The following TRIM9 variants were observed in gnomAD, a reference collection of about 807,000 sequenced individuals.
TRIM9 encodes E3 ubiquitin-protein ligase TRIM9.
In TRIM9, 26 loss-of-function variants were observed where a neutral mutation model predicts 78.3. That is an observed-to-expected ratio of 0.33 (90% CI 0.24 to 0.46). TRIM9 has a LOEUF of 0.46. Among genes scored for constraint, TRIM9 ranks in the 20% least tolerant of loss-of-function variants. The pLI is 1.00. For missense variants in TRIM9, 787 were observed against 1,036.4 expected, an observed-to-expected ratio of 0.76 and a Z score of 3.30; for synonymous variants, 398 against 416.5, an observed-to-expected ratio of 0.96 and a Z score of 0.54.
intron 1 of TRIM9, among the ~76,000 whole-genome samples, chr14:51,061,783 T>G (rs2061372789): frequency 6.6e-6 from 1 of 152,248 alleles, no homozygotes; most frequent in South Asian, 2.1e-4. Flanking sequence ...GCAGCATTTA[T>G]CCTACTCAGG....
chr14:51,050,311 T>C (rs759892513), intron 1 of TRIM9, among the ~76,000 whole-genome samples: 12 of 152,148 alleles, frequency 7.9e-5, no homozygotes, highest in African/African-American at 1.9e-4. Context: ...GTTTTCCCCA[T>C]ACTGTTCTCG....
intron 12 of TRIM9, chr14:50,978,960 G>T (rs901678668): frequency 1.8e-4 from 198 of 1,100,568 alleles, no homozygotes; most frequent in Non-Finnish European, 2.2e-4. Flanking sequence ...CAAGAGTGCA[G>T]AGAAGATGCT....
At chr14:50,979,204 T>C in intron 12 of TRIM9, 183 bp downstream of exon 12, 1 of 1,456,094 alleles carries the variant, frequency 6.9e-7, no homozygotes, top group South Asian at 1.5e-5. Flanking sequence ...AGAAGGTGCT[T>C]ATGCTTGGCG....
chr14:51,048,066 A>T (rs2060092782), intron 1 of TRIM9, among the ~76,000 whole-genome samples: 1 of 152,204 alleles, frequency 6.6e-6, no homozygotes, highest in African/African-American at 2.4e-5. Flanking sequence ...GCTTGCTCCA[A>T]GGTGCCATTT....
At chr14:50,995,892 AAAAC>A (rs1315053474) in intron 7 of TRIM9, among the ~76,000 whole-genome samples, 1 of 152,176 alleles carries the variant, frequency 6.6e-6, no homozygotes, top group Non-Finnish European at 1.5e-5. Flanking sequence ...TGATTTCTAA[AAAAC>A]AAACAAAAAA....
chr14:51,016,300 A>G (rs1446614357), intron 3 of TRIM9, among the ~76,000 whole-genome samples: 1 of 152,106 alleles, frequency 6.6e-6, no homozygotes, highest in African/African-American at 2.4e-5. Flanking sequence ...GCAGGAGGTG[A>G]GCGGCGGCCA....
intron 7 of TRIM9, among the ~76,000 whole-genome samples, chr14:50,994,037 A>G (rs1476968675): frequency 6.6e-6 from 1 of 152,216 alleles, no homozygotes; most frequent in African/African-American, 2.4e-5. Flanking sequence ...AGAGGTGATT[A>G]CATTAAGGAT....
At chr14:51,019,506 T>C (rs1213509883) in intron 3 of TRIM9, among the ~76,000 whole-genome samples, 1 of 152,198 alleles carries the variant, frequency 6.6e-6, no homozygotes, top group Admixed American at 6.5e-5. Context: ...TTTTATACAA[T>C]GATCAATTAT....
intron 1 of TRIM9, among the ~76,000 whole-genome samples, chr14:51,081,191 T>G (rs140881734): frequency 1.7e-3 from 259 of 152,330 alleles, no homozygotes; most frequent in African/African-American, 6.1e-3. Context: ...AGCAAAGACT[T>G]TAAATAGACA....
At position 50,976,641 on chromosome 14, in the gene TRIM9, T is replaced by G. The variant is rs2051110384; in HGVS notation, c.*650A>C. 6.6e-6 allele frequency: 1 copy of G among 152,648 alleles called. No individual in the cohort carries two copies. Among genetic ancestry groups the G allele is most frequent in the Non-Finnish European group, 1.5e-5 (1 of 68,038 alleles). The allele number at this position is 152,648 out of a possible 1,614,324, so 9.5% of individuals were successfully genotyped here. A position where few individuals can be genotyped will look rare whatever the true frequency, so the allele number is the denominator to read the frequency against. On this transcript the variant is annotated 3_prime_UTR_variant, in exon 13 of 13. Transcript: ENST00000684578. ...TTATACAGTGGCCAGGGTTCTGGCCTATCCTAATTATAGAGCCATCCTAAC... is the reference window on the plus strand; with the variant it reads ...TTATACAGTGGCCAGGGTTCTGGCCGATCCTAATTATAGAGCCATCCTAAC...
chr14:51,084,258 G>T (rs892150757), intron 1 of TRIM9, among the ~76,000 whole-genome samples: 2 of 152,012 alleles, frequency 1.3e-5, no homozygotes, highest in Non-Finnish European at 2.9e-5. Flanking sequence ...TTGAACCATT[G>T]TTTATCGAGC....
At chr14:51,017,003 T>C (rs751351377) in intron 3 of TRIM9, among the ~76,000 whole-genome samples, 1 of 152,220 alleles carries the variant, frequency 6.6e-6, no homozygotes, top group Non-Finnish European at 1.5e-5. Flanking sequence ...TAAAGCATGA[T>C]GACCAACTGA....
intron 1 of TRIM9, among the ~76,000 whole-genome samples, chr14:51,030,917 C>T (rs1050814871): frequency 2.6e-5 from 4 of 151,896 alleles, no homozygotes; most frequent in East Asian, 1.9e-4. Context: ...GAGGCCAAGG[C>T]GGGCGGATCA....
intron 1 of TRIM9, among the ~76,000 whole-genome samples, chr14:51,053,595 A>ATTTTTT (rs59227932): frequency 6.1e-5 from 5 of 82,178 alleles, no homozygotes; most frequent in Non-Finnish European, 7.1e-5. Context: ...TTTTTTTTTA[A>ATTTTTT]TTTTTTTTTT....
chr14:51,069,047 G>A (rs1007920959), intron 1 of TRIM9, among the ~76,000 whole-genome samples: 1 of 152,090 alleles, frequency 6.6e-6, no homozygotes, highest in Admixed American at 6.6e-5. Flanking sequence ...CAATAGTGTA[G>A]GTGAAAGGAC....
At chr14:51,050,347 C>T (rs1379269924) in intron 1 of TRIM9, among the ~76,000 whole-genome samples, 1 of 152,162 alleles carries the variant, frequency 6.6e-6, no homozygotes, top group East Asian at 1.9e-4. Context: ...CTCACGAGAT[C>T]TGATGGTTTT....
At chr14:51,059,413 T>G (rs2061151017) in intron 1 of TRIM9, among the ~76,000 whole-genome samples, 1 of 152,218 alleles carries the variant, frequency 6.6e-6, no homozygotes, top group Non-Finnish European at 1.5e-5. Flanking sequence ...ACATTTACTT[T>G]TTTTTGTATT....
intron 1 of TRIM9, among the ~76,000 whole-genome samples, chr14:51,084,072 A>G (rs1264384346): frequency 6.6e-6 from 1 of 152,220 alleles, no homozygotes; most frequent in Admixed American, 6.5e-5. Context: ...TTAAAAATAT[A>G]TGGGAAATAT....
intron 1 of TRIM9, among the ~76,000 whole-genome samples, chr14:51,026,445 C>T (rs2139813830): frequency 6.6e-6 from 1 of 152,242 alleles, no homozygotes; most frequent in Admixed American, 6.5e-5. Flanking sequence ...TATCAAGTAT[C>T]ACTGTACTTG....
Sources: gnomAD v4.1 joint callset for allele counts (sites outside exome capture counted in the v4.1 genomes callset) on GRCh38, gnomAD v4.1.1 for gene constraint, MANE v1.5 for transcripts, NCBI Gene and HGNC (gene_info 2026-07-23, HGNC 2026-07-21) for gene names.